CD247: variants seen among roughly 807,000 people sequenced by gnomAD.
The protein encoded by CD247 is T-cell surface glycoprotein CD3 zeta chain.
In CD247, 13 loss-of-function variants were observed where a neutral mutation model predicts 30.0. That is an observed-to-expected ratio of 0.43 (90% confidence interval 0.28 to 0.69). CD247 has a LOEUF of 0.69. Ranked by LOEUF, CD247 falls within the 30% of genes least tolerant of loss-of-function variation. The pLI is 0.16. For synonymous variants in CD247, 72 were observed against 80.0 expected (o/e 0.90, Z 0.53); for missense variants, 193 against 212.6 (o/e 0.91, Z 0.57).
intron 6 of CD247, 120 bp downstream of exon 6, chr1:167,433,900 T>C (rs1005450507): frequency 3.2e-6 from 3 of 934,150 alleles, no homozygotes; most frequent in African/African-American, 1.6e-5. Context: ...TCACCTCTGA[T>C]GGCCACCACA....
chr1:167,457,817 G>A (rs1222027907), intron 1 of CD247: 1 of 152,150 alleles, frequency 6.6e-6, no homozygotes, highest in Non-Finnish European at 1.5e-5. Context: ...GTTGCTCCAA[G>A]GTAAACACCG....
At chr1:167,492,018 C>CA (rs1159958261) in intron 1 of CD247, among the ~76,000 whole-genome samples, 1 of 152,046 alleles carries the variant, frequency 6.6e-6, no homozygotes, top group Non-Finnish European at 1.5e-5. Context: ...TTCAGTTTCG[C>CA]AAAATGAAAA....
chr1:167,454,296 G>T (rs1448603946), intron 1 of CD247, among the ~76,000 whole-genome samples: 1 of 152,238 alleles, frequency 6.6e-6, no homozygotes, highest in African/African-American at 2.4e-5. Context: ...ACGGGAGGGG[G>T]AGGCTGGGTG....
chr1:167,509,006 G>A (rs965120856), intron 1 of CD247, among the ~76,000 whole-genome samples: 2 of 152,140 alleles, frequency 1.3e-5, no homozygotes, highest in Non-Finnish European at 2.9e-5. Context: ...GCACATGAGA[G>A]GTGCTTGGTA....
chr1:167,507,753 T>G (rs1655206150), intron 1 of CD247, among the ~76,000 whole-genome samples: 1 of 151,978 alleles, frequency 6.6e-6, no homozygotes, highest in South Asian at 2.1e-4. Context: ...GTAGGATTGC[T>G]TGAGCCCAGG....
At chr1:167,442,658 A>G (rs1351233655) in intron 1 of CD247, among the ~76,000 whole-genome samples, 1 of 151,958 alleles carries the variant, frequency 6.6e-6, no homozygotes. Context: ...CCTCCATGCC[A>G]GCAACGTTTT....
intron 1 of CD247, among the ~76,000 whole-genome samples, chr1:167,496,352 T>G (rs1654690156): frequency 6.6e-6 from 1 of 152,204 alleles, no homozygotes; most frequent in Non-Finnish European, 1.5e-5. Context: ...TTTGTAGGTA[T>G]CACCAAATGT....
intron 1 of CD247, among the ~76,000 whole-genome samples, chr1:167,497,696 G>C (rs1396993084): frequency 6.6e-6 from 1 of 152,200 alleles, no homozygotes; most frequent in African/African-American, 2.4e-5. Context: ...CTGGGTTACA[G>C]AGCTAGAACC....
intron 1 of CD247, among the ~76,000 whole-genome samples, chr1:167,503,501 C>T (rs1654997173): frequency 6.6e-6 from 1 of 152,194 alleles, no homozygotes; most frequent in Non-Finnish European, 1.5e-5. Flanking sequence ...GTGTAATGCA[C>T]ATTTGCAGAC....
At chr1:167,488,786 C>T (rs1571576923) in intron 1 of CD247, among the ~76,000 whole-genome samples, 1 of 152,102 alleles carries the variant, frequency 6.6e-6, no homozygotes, top group Admixed American at 6.6e-5. Flanking sequence ...CTGATGGAGC[C>T]CAACAAGTAT....
At chr1:167,442,238 G>A (rs1201784245) in intron 1 of CD247, among the ~76,000 whole-genome samples, 3 of 152,204 alleles carry the variant, frequency 2.0e-5, no homozygotes, top group East Asian at 1.9e-4. Flanking sequence ...TGTAAAACAG[G>A]GTGTGGTACC....
In CD247 at chr1:167,430,822, C is replaced by G; in HGVS notation, c.*859G>C. ...TCCTGTCCTGCCACTGTCCGCTGGG[C>G]AGTTATAGGTCCCATGTGTTGGGTC... On this transcript the variant is annotated 3_prime_UTR_variant, in exon 8 of 8. Transcript: ENST00000362089. 2.5e-6 allele frequency: 1 copy of G among 398,726 alleles called. No homozygotes were observed. The highest frequency in any genetic ancestry group is 4.4e-6 in the Non-Finnish European group (1 of 226,120). The allele number at this position is 398,726 out of a possible 1,614,324, so 24.7% of individuals were successfully genotyped here. A position where few individuals can be genotyped will look rare whatever the true frequency, so the allele number is the denominator to read the frequency against.
intron 1 of CD247, among the ~76,000 whole-genome samples, chr1:167,513,185 C>T (rs940510127): frequency 6.6e-6 from 1 of 151,956 alleles, no homozygotes; most frequent in Admixed American, 6.6e-5. Context: ...TAAAAACAAT[C>T]ACAAAGGCTA....
chr1:167,500,486 G>A (rs561899560), intron 1 of CD247, among the ~76,000 whole-genome samples: 1 of 152,336 alleles, frequency 6.6e-6, no homozygotes, highest in East Asian at 1.9e-4. Flanking sequence ...GTATGAATTA[G>A]AGAGGTGGCC....
At chr1:167,440,812 G>T in intron 1 of CD247, 45 bp from the exon 2 acceptor site, 1 of 1,262,638 alleles carries the variant, frequency 7.9e-7, no homozygotes, top group Non-Finnish European at 1.2e-6. Context: ...AAGGTGACGA[G>T]AACACATCCC....
At chr1:167,440,609 A>G (rs1198642995) in intron 2 of CD247, 55 bp downstream of exon 2, 1 of 1,178,806 alleles carries the variant, frequency 8.5e-7, no homozygotes, top group East Asian at 2.3e-5. Context: ...GCCCCTCTGA[A>G]CATCCATCAA....
intron 1 of CD247, among the ~76,000 whole-genome samples, chr1:167,493,058 T>C (rs901704845): frequency 2.1e-5 from 3 of 145,650 alleles, no homozygotes; most frequent in African/African-American, 7.7e-5. Context: ...TTTTTTTTTT[T>C]TTGAGATGGA....
At chr1:167,457,803 G>A (rs768928581) in intron 1 of CD247, 3 of 152,184 alleles carry the variant, frequency 2.0e-5, no homozygotes, top group African/African-American at 7.2e-5. Flanking sequence ...CAACTAGATT[G>A]TAGGTTGCTC....
At chr1:167,502,031 T>A (rs1461179217) in intron 1 of CD247, among the ~76,000 whole-genome samples, 1 of 152,182 alleles carries the variant, frequency 6.6e-6, no homozygotes, top group East Asian at 1.9e-4. Context: ...CTGACACGCA[T>A]TTATTCCATC....
Sources: allele counts gnomAD v4.1 joint callset (sites outside exome capture counted in the v4.1 genomes callset), GRCh38; gene constraint gnomAD v4.1.1; transcripts MANE v1.5; gene names NCBI Gene and HGNC (gene_info 2026-07-23, HGNC 2026-07-21).